Variants in PTPRZ1 observed in about 807,000 individuals in gnomAD.
PTPRZ1 encodes receptor-type tyrosine-protein phosphatase zeta.
In PTPRZ1, 82 loss-of-function variants were observed where a neutral mutation model predicts 214.1. That is an observed-to-expected ratio of 0.38 (90% CI 0.32 to 0.46). The LOEUF (loss-of-function observed/expected upper bound fraction) is 0.46, where lower values mean the gene tolerates loss of function less well. Ranked by LOEUF, PTPRZ1 falls within the 20% of genes least tolerant of loss-of-function variation. The pLI, the probability that PTPRZ1 is intolerant of heterozygous loss-of-function variation, is 1.00. For synonymous variants in PTPRZ1, 945 were observed against 987.9 expected, an observed-to-expected ratio of 0.96 and a Z score of 0.81; for missense variants, 2,603 against 2,748.7, an observed-to-expected ratio of 0.95 and a Z score of 1.19.
chr7:121,916,693 C>A (rs558683982), intron 1 of PTPRZ1, among the ~76,000 whole-genome samples: 1 of 152,158 alleles, frequency 6.6e-6, no homozygotes, highest in African/African-American at 2.4e-5. Context: ...GAGCATCTGC[C>A]ACTGCAGAGT....
intron 11 of PTPRZ1, among the ~76,000 whole-genome samples, chr7:122,005,484 A>G (rs1269595742): frequency 6.6e-6 from 1 of 151,922 alleles, no homozygotes; most frequent in Non-Finnish European, 1.5e-5. Flanking sequence ...ATAGGTATAA[A>G]CTATCTTGAT....
chr7:122,061,652 T>A lies in PTPRZ1; in HGVS notation c.*432T>A, dbSNP rs901427169. On this transcript the variant is annotated 3_prime_UTR_variant, in exon 30 of 30. Coordinates refer to ENST00000393386, the MANE Select transcript of PTPRZ1 (RefSeq NM_002851.3). ...AATAAAACACTCTTCCATATGATATTCAACATTTTACAACTGCAGTATTCA... is the reference window on the plus strand; with the variant it reads ...AATAAAACACTCTTCCATATGATATACAACATTTTACAACTGCAGTATTCA... The A allele has an allele frequency of 2.6e-5, 4 of 152,834 alleles. No individual in the cohort carries two copies. The highest frequency in any genetic ancestry group is 7.2e-5 in the African/African-American group (3 of 41,456). 9.5% of individuals were successfully genotyped at this position (152,834 alleles called of 1,614,324 possible).
At chr7:122,058,398 C>T (rs1349675769) in intron 27 of PTPRZ1, among the ~76,000 whole-genome samples, 6 of 151,866 alleles carry the variant, frequency 4.0e-5, no homozygotes, top group Non-Finnish European at 8.8e-5. Flanking sequence ...TTTACTTAAG[C>T]CTGAGGATTA....
intron 1 of PTPRZ1, among the ~76,000 whole-genome samples, chr7:121,904,984 T>G (rs993868652): frequency 2.6e-5 from 4 of 152,346 alleles, no homozygotes; most frequent in Middle Eastern, 3.4e-3. Context: ...ACGTTTTTGC[T>G]GTCTACGAAA....
chr7:121,952,587 A>AG (rs1334617001), intron 2 of PTPRZ1, among the ~76,000 whole-genome samples: 1 of 151,224 alleles, frequency 6.6e-6, no homozygotes, highest in African/African-American at 2.5e-5. Flanking sequence ...ACTGTCTCAA[A>AG]AAAAAGAAAA....
rs750856340 is a variant in PTPRZ1 at position 122,011,072 on chromosome 7, A to G, written c.2026A>G (p.Thr676Ala). 1 of 1,614,110 alleles carries G rather than the reference A, an allele frequency of 6.2e-7. No individual in the cohort carries two copies. Among genetic ancestry groups the G allele is most frequent in the South Asian group, 1.1e-5 (1 of 91,078 alleles). ...VGSGRESFLQ[T>A]NYTEIRVDES... The stretch of plus-strand genomic sequence containing the variant: ...ATCAGGCAGAGAGAGCTTTCTCCAG[A>G]CTAATTACACTGAGATACGTGTTGA... The change falls in exon 12 of 30, where the codon ACT (threonine) becomes GCT (alanine). Residue 676 changes from threonine to alanine, a missense_variant. This residue lies in a region of PTPRZ1 where 1,913 missense variants were observed against 1,914.3 expected (regional missense o/e 1.00). Coordinates refer to ENST00000393386, the MANE Select transcript of PTPRZ1 (RefSeq NM_002851.3).
chr7:121,967,933 A>C lies in PTPRZ1; in HGVS notation c.125-18A>C. 2 of 1,506,234 alleles carry C rather than the reference A, an allele frequency of 1.3e-6. No individual in the cohort carries two copies. Among genetic ancestry groups the C allele is most frequent in the Non-Finnish European group, 1.8e-6 (2 of 1,105,768 alleles). The allele number at this position is 1,506,234 out of a possible 1,614,324, so 93.3% of individuals were successfully genotyped here. On this transcript the variant is annotated intron_variant, in intron 2 of 29. Transcript: ENST00000393386. ...GGTAATTTAAGAAACTAAATTTCTT[A>C]CTCCTTCTTTTCCCTAGGAGCACTG...
chr7:121,949,825 TA>T (rs1468383917), intron 2 of PTPRZ1, among the ~76,000 whole-genome samples: 1 of 152,076 alleles, frequency 6.6e-6, no homozygotes, highest in African/African-American at 2.4e-5. Flanking sequence ...ATAGAGGAAA[TA>T]TTTTTTTTCA....
At chr7:121,941,588 A>G (rs1235527107) in intron 2 of PTPRZ1, among the ~76,000 whole-genome samples, 2 of 152,196 alleles carry the variant, frequency 1.3e-5, no homozygotes, top group East Asian at 3.9e-4. Flanking sequence ...GACTAAACAT[A>G]TATTTGTTTT....
intron 9 of PTPRZ1, among the ~76,000 whole-genome samples, chr7:121,997,314 T>C (rs572455256): frequency 6.6e-6 from 1 of 152,294 alleles, no homozygotes; most frequent in East Asian, 1.9e-4. Flanking sequence ...AAATGCACTA[T>C]TAATTATGTT....
chr7:122,012,561 C>T lies in PTPRZ1; in HGVS notation c.3515C>T (p.Thr1172Ile). The change falls in exon 12 of 30, where the codon ACC becomes ATC. Residue 1172 changes from threonine to isoleucine, a missense_variant. Thr to Ile is a moderately conservative substitution (Grantham distance 89, BLOSUM62 -1). Coordinates refer to ENST00000393386, the MANE Select transcript of PTPRZ1 (RefSeq NM_002851.3). The part of the protein sequence containing the change: ...SPSTQLLFYE[T>I]SASFSTEVLL... ...TCAACTCAGCTCTTATTTTATGAGA[C>T]CTCAGCTTCTTTTAGTACTGAAGTA... 1 of 1,613,842 alleles carries T rather than the reference C, an allele frequency of 6.2e-7. No individual in the cohort carries two copies. Among genetic ancestry groups the T allele is most frequent in the Non-Finnish European group, 8.5e-7 (1 of 1,179,760 alleles).
chr7:121,926,611 G>A (rs1020963520), intron 1 of PTPRZ1, among the ~76,000 whole-genome samples: 6 of 152,170 alleles, frequency 3.9e-5, no homozygotes, highest in Non-Finnish European at 8.8e-5. Flanking sequence ...AATCTATATA[G>A]TCAAAAATAT....
chr7:121,959,328 T>C (rs1266502437), intron 2 of PTPRZ1, among the ~76,000 whole-genome samples: 1 of 152,166 alleles, frequency 6.6e-6, no homozygotes, highest in African/African-American at 2.4e-5. Flanking sequence ...ACGAAACAGG[T>C]TCTCATTCTG....
At chr7:121,915,273 C>T (rs1430748670) in intron 1 of PTPRZ1, among the ~76,000 whole-genome samples, 2 of 152,150 alleles carry the variant, frequency 1.3e-5, no homozygotes, top group East Asian at 3.9e-4. Context: ...GAAGTGAGTG[C>T]ATAGCCTCAA....
At chr7:121,948,176 A>G (rs1200090328) in intron 2 of PTPRZ1, among the ~76,000 whole-genome samples, 2 of 152,306 alleles carry the variant, frequency 1.3e-5, no homozygotes, top group African/African-American at 4.8e-5. Context: ...ACTAATATTG[A>G]ATGAATAAAT....
At chr7:121,990,159 A>G (rs1336893221) in intron 8 of PTPRZ1, among the ~76,000 whole-genome samples, 1 of 152,170 alleles carries the variant, frequency 6.6e-6, no homozygotes, top group African/African-American at 2.4e-5. Context: ...CCAAGAGGAG[A>G]AGTAAAAGCT....
chr7:121,909,349 GC>G (rs1171879080), intron 1 of PTPRZ1, among the ~76,000 whole-genome samples: 1 of 152,174 alleles, frequency 6.6e-6, no homozygotes, highest in Non-Finnish European at 1.5e-5. Flanking sequence ...GCTAGGCAGA[GC>G]CTGCTGCCCT....
At chr7:122,003,034 T>C (rs1798375286) in intron 10 of PTPRZ1, among the ~76,000 whole-genome samples, 1 of 152,216 alleles carries the variant, frequency 6.6e-6, no homozygotes, top group African/African-American at 2.4e-5. Context: ...TGTCACAGTT[T>C]AGTTGCATCT....
At chr7:121,877,770 C>G (rs753057678) in intron 1 of PTPRZ1, among the ~76,000 whole-genome samples, 3 of 152,074 alleles carry the variant, frequency 2.0e-5, no homozygotes, top group Admixed American at 6.5e-5. Flanking sequence ...CACAACTAGT[C>G]GAAAATAAGT....
Sources: allele counts gnomAD v4.1 joint callset (sites outside exome capture counted in the v4.1 genomes callset), GRCh38; gene constraint gnomAD v4.1.1; regional missense constraint gnomAD v4.1.1; transcripts MANE v1.5; gene names NCBI Gene and HGNC (gene_info 2026-07-23, HGNC 2026-07-21).